Variants in CSMD3 observed in about 807,000 individuals in gnomAD.
CSMD3 encodes the protein CUB and Sushi multiple domains 3, also known as CUB and sushi domain-containing protein 3.
Under a neutral mutation model 435.2 loss-of-function variants are expected in CSMD3, and 177 were observed. The ratio of observed to expected loss-of-function variants is 0.41; its 90% confidence interval spans 0.36 to 0.46. The LOEUF (loss-of-function observed/expected upper bound fraction) is 0.46. Among genes scored for constraint, CSMD3 ranks in the 20% least tolerant of loss-of-function variants. CSMD3 has a pLI of 0.34. For synonymous variants in CSMD3, 1,656 were observed against 1,520.5 expected (o/e 1.09, Z -2.07); for missense variants, 4,265 against 4,504.6 (o/e 0.95, Z 1.52).
At chr8:112,250,893 A>T (rs2130208447) in intron 63 of CSMD3, among the ~76,000 whole-genome samples, 1 of 151,952 alleles carries the variant, frequency 6.6e-6, no homozygotes, top group Non-Finnish European at 1.5e-5. Context: ...ATGTTTAATC[A>T]GTAAACATCA....
At chr8:113,400,545 A>G (rs556252904) in intron 1 of CSMD3, among the ~76,000 whole-genome samples, 23 of 152,112 alleles carry the variant, frequency 1.5e-4, no homozygotes, top group African/African-American at 5.3e-4. Flanking sequence ...ACGTTCTTCA[A>G]TGTTTTCACC....
intron 22 of CSMD3, among the ~76,000 whole-genome samples, chr8:112,608,719 C>T (rs1443796732): frequency 7.9e-5 from 12 of 151,856 alleles, no homozygotes; most frequent in Admixed American, 6.6e-4. Context: ...AATTAATCTT[C>T]GGCAAAGGCT....
rs2131824626 is a variant in CSMD3 at position 112,689,963 on chromosome 8, C to A, written c.2060G>T (p.Arg687Met). Residue 687 changes from arginine to methionine, a missense_variant, in exon 14 of 71, where the codon AGG becomes ATG. Arg to Met is a moderately conservative substitution (Grantham distance 91). Coordinates refer to ENST00000297405, the MANE Select transcript of CSMD3 (RefSeq NM_198123.2). ...GDGFSNRDVL[R>M]FECQFGFELI... ...TTCAAACCCAAACTGGCATTCAAACCTTAAAACATCACGATTAGAAAATCC... is the reference window on the plus strand; with the variant it reads ...TTCAAACCCAAACTGGCATTCAAACATTAAAACATCACGATTAGAAAATCC... The A allele has an allele frequency of 6.2e-7, 1 of 1,613,178 alleles. No homozygotes were observed. Among genetic ancestry groups the A allele is most frequent in the Non-Finnish European group, 8.5e-7 (1 of 1,179,360 alleles).
At chr8:113,407,780 A>G (rs73701380) in intron 1 of CSMD3, among the ~76,000 whole-genome samples, 3,438 of 152,258 alleles carry the variant, frequency 0.023, 113 homozygotes, top group African/African-American at 0.077. Context: ...AAAGATGCTT[A>G]TTAAATTAAT....
intron 6 of CSMD3, among the ~76,000 whole-genome samples, chr8:112,976,696 ATG>A (rs1184100582): frequency 1.3e-5 from 2 of 152,140 alleles, no homozygotes; most frequent in African/African-American, 2.4e-5. Context: ...CTATATGAAA[ATG>A]TGTTTCTTAA....
At chr8:113,216,384 T>C (rs916335633) in intron 3 of CSMD3, among the ~76,000 whole-genome samples, 1 of 151,928 alleles carries the variant, frequency 6.6e-6, no homozygotes, top group Non-Finnish European at 1.5e-5. Flanking sequence ...TAAGCAGAGT[T>C]CCATTCTATA....
At chr8:113,168,519 C>CAAAAAAAAA (rs71281204) in intron 4 of CSMD3, among the ~76,000 whole-genome samples, 429 of 17,018 alleles carry the variant, frequency 0.025, 126 homozygotes, top group East Asian at 0.16. Flanking sequence ...GACTCTGTCT[C>CAAAAAAAAA]AAAAAAAAAA....
chr8:112,860,155 C>A (rs905046583), intron 10 of CSMD3, among the ~76,000 whole-genome samples: 2 of 151,690 alleles, frequency 1.3e-5, no homozygotes, highest in African/African-American at 4.8e-5. Context: ...ATACAGTAGT[C>A]AGAATTTCAG....
chr8:112,623,293 T>G (rs1410841274), intron 22 of CSMD3, among the ~76,000 whole-genome samples: 1 of 152,108 alleles, frequency 6.6e-6, no homozygotes, highest in Non-Finnish European at 1.5e-5. Flanking sequence ...TTATTCACTT[T>G]GCCTAGCGGG....
intron 24 of CSMD3, among the ~76,000 whole-genome samples, chr8:112,560,890 T>C (rs1586685163): frequency 6.6e-6 from 1 of 151,872 alleles, no homozygotes. Flanking sequence ...AGTTTTACCA[T>C]ATATCATTTC....
chr8:112,628,028 G>A (rs1348355100), intron 22 of CSMD3, among the ~76,000 whole-genome samples: 1 of 152,124 alleles, frequency 6.6e-6, no homozygotes, highest in African/African-American at 2.4e-5. Flanking sequence ...GTTCTAAAAG[G>A]ATGTCTGTAA....
intron 28 of CSMD3, among the ~76,000 whole-genome samples, chr8:112,509,479 A>G (rs1563636541): frequency 6.6e-6 from 1 of 152,136 alleles, no homozygotes; most frequent in African/African-American, 2.4e-5. Context: ...CTCCCAATAC[A>G]AACATTTCTT....
intron 13 of CSMD3, among the ~76,000 whole-genome samples, chr8:112,696,330 C>A (rs1177005630): frequency 1.9e-4 from 29 of 152,150 alleles, no homozygotes; most frequent in Non-Finnish European, 2.9e-5. Flanking sequence ...AACTATACTA[C>A]AAGGCTACAG....
intron 5 of CSMD3, 168 bp downstream of exon 5, chr8:113,098,588 A>C: frequency 3.3e-6 from 2 of 606,474 alleles, no homozygotes; most frequent in African/African-American, 1.9e-5. Flanking sequence ...TTTTATGTAA[A>C]TAGCTCGATC....
intron 4 of CSMD3, among the ~76,000 whole-genome samples, chr8:113,120,391 T>A (rs1188280887): frequency 1.3e-5 from 2 of 152,200 alleles, no homozygotes; most frequent in Non-Finnish European, 2.9e-5. Flanking sequence ...TTTATATGCA[T>A]GTTTTATTAT....
At chr8:113,092,416 CCT>C (rs2090035954) in intron 5 of CSMD3, among the ~76,000 whole-genome samples, 2 of 152,038 alleles carry the variant, frequency 1.3e-5, no homozygotes, top group South Asian at 2.1e-4. Context: ...TGCTAGTTAT[CCT>C]CTAACACCTT....
At chr8:112,573,161 T>C (rs1204673178) in intron 24 of CSMD3, among the ~76,000 whole-genome samples, 2 of 152,166 alleles carry the variant, frequency 1.3e-5, no homozygotes, top group African/African-American at 4.8e-5. Context: ...AGATGAGAGT[T>C]CAAACATTGG....
intron 4 of CSMD3, among the ~76,000 whole-genome samples, chr8:113,168,408 C>A (rs2092196554): frequency 6.7e-6 from 1 of 148,858 alleles, no homozygotes; most frequent in East Asian, 2.0e-4. Context: ...GTTGTCCCAG[C>A]TACTTGGGAG....
chr8:112,737,771 T>G (rs941815720), intron 13 of CSMD3, among the ~76,000 whole-genome samples: 1 of 151,868 alleles, frequency 6.6e-6, no homozygotes, highest in Non-Finnish European at 1.5e-5. Flanking sequence ...GACTGATGCC[T>G]ACAATTCTAA....
Sources: gnomAD v4.1 joint callset for allele counts (sites outside exome capture counted in the v4.1 genomes callset) on GRCh38, gnomAD v4.1.1 for gene constraint, MANE v1.5 for transcripts, NCBI Gene and HGNC (gene_info 2026-07-23, HGNC 2026-07-21) for gene names.